Variants in RBFOX1 observed in about 807,000 individuals in gnomAD.
RBFOX1 encodes RNA binding protein fox-1 homolog 1.
RBFOX1 carries 8 observed loss-of-function variants against 57.7 expected under a neutral mutation model. The observed-to-expected ratio is 0.14, with a 90% CI of 0.08 to 0.25. The LOEUF is 0.25. Ranked by LOEUF, RBFOX1 falls within the 10% of genes least tolerant of loss-of-function variation. RBFOX1 has a pLI of 1.00. For synonymous variants in RBFOX1, 326 were observed against 222.4 expected (o/e 1.47, Z -4.15); for missense variants, 611 against 548.5 (o/e 1.11, Z -1.14).
chr16:6,073,209 AC>A (rs2095857503), intron 1 of RBFOX1, among the ~76,000 whole-genome samples: 1 of 152,156 alleles, frequency 6.6e-6, no homozygotes, highest in Non-Finnish European at 1.5e-5. Context: ...TACTCCACTG[AC>A]TTCCAGGGCT....
In RBFOX1 at chr16:5,290,630, A is replaced by C. The variant is rs577068853; in HGVS notation, c.219+50525A>C. ...GAGGCCTAGGGGGTGGGATGAGTTC[A>C]CTAGGTGGATAAATGAGGAACGGCA... On this transcript the variant is annotated intron_variant, in intron 1 of 2. Transcript: ENST00000585867. Among the ~76,000 whole-genome samples the C allele has an allele frequency of 9.2e-5, 14 of 152,232 alleles. No homozygotes were observed. The East Asian group carries it at 2.7e-3, about 29-fold the overall frequency.
At chr16:6,261,997 C>T (rs1371751444) in intron 1 of RBFOX1, among the ~76,000 whole-genome samples, 3 of 151,838 alleles carry the variant, frequency 2.0e-5, no homozygotes, top group African/African-American at 7.3e-5. Context: ...CCATCGTACT[C>T]CAGCCTGGGC....
intron 4 of RBFOX1, among the ~76,000 whole-genome samples, chr16:7,364,625 T>C (rs976302822): frequency 4.6e-5 from 7 of 151,806 alleles, no homozygotes; most frequent in African/African-American, 1.7e-4. Flanking sequence ...AAGAGAATTA[T>C]TCAGCCATTA....
At chr16:7,519,258 A>G (rs1214490558) in intron 5 of RBFOX1, among the ~76,000 whole-genome samples, 1 of 152,036 alleles carries the variant, frequency 6.6e-6, no homozygotes, top group Non-Finnish European at 1.5e-5. Flanking sequence ...CCTTAGCCTA[A>G]TACATTTGAG....
At chr16:7,200,337 A>G (rs962167349) in intron 4 of RBFOX1, among the ~76,000 whole-genome samples, 4 of 152,202 alleles carry the variant, frequency 2.6e-5, no homozygotes, top group Non-Finnish European at 4.4e-5. Flanking sequence ...GGCCTGTCTT[A>G]TGGAAGAGCC....
intron 1 of RBFOX1, among the ~76,000 whole-genome samples, chr16:6,135,396 A>G (rs535298961): frequency 6.6e-6 from 1 of 152,272 alleles, no homozygotes; most frequent in Admixed American, 6.5e-5. Flanking sequence ...AGGTATTATT[A>G]TTATTTACAT....
At chr16:7,239,971 G>T (rs1231938980) in intron 4 of RBFOX1, among the ~76,000 whole-genome samples, 1 of 152,024 alleles carries the variant, frequency 6.6e-6, no homozygotes, top group Admixed American at 6.6e-5. Flanking sequence ...ATAAGATGAT[G>T]GTGACGATTA....
chr16:7,146,074 TG>T (rs1324943989), intron 4 of RBFOX1, among the ~76,000 whole-genome samples: 1 of 152,204 alleles, frequency 6.6e-6, no homozygotes, highest in Admixed American at 6.5e-5. Context: ...CTGTTCCAAA[TG>T]GGGGCAAGAA....
intron 4 of RBFOX1, among the ~76,000 whole-genome samples, chr16:7,215,002 T>C (rs1189454455): frequency 6.6e-6 from 1 of 152,154 alleles, no homozygotes; most frequent in Non-Finnish European, 1.5e-5. Flanking sequence ...ACCCATCATC[T>C]AGGTTTTAAG....
intron 4 of RBFOX1, among the ~76,000 whole-genome samples, chr16:7,228,621 G>A (rs774743822): frequency 3.9e-5 from 6 of 152,182 alleles, no homozygotes; most frequent in Admixed American, 6.5e-5. Context: ...TCAAATCTTG[G>A]GCTAGAAGGA....
At chr16:6,174,549 C>G (rs534283357) in intron 1 of RBFOX1, among the ~76,000 whole-genome samples, 1 of 152,112 alleles carries the variant, frequency 6.6e-6, no homozygotes, top group South Asian at 2.1e-4. Flanking sequence ...GAGCTGTGAT[C>G]ATGCCACTGC....
In RBFOX1 at chr16:7,454,914, A is replaced by G. The variant is rs528130041; in HGVS notation, c.28-63233A>G. ...TCACAGTTTGCTCCTCACACTTTATATTTGGCCAGCCCTGGGCCAACCCCT... is the reference window on the plus strand; with the variant it reads ...TCACAGTTTGCTCCTCACACTTTATGTTTGGCCAGCCCTGGGCCAACCCCT... On this transcript the variant is annotated intron_variant, in intron 4 of 15. Transcript: ENST00000550418. Among the ~76,000 whole-genome samples the G allele has an allele frequency of 7.9e-5, 12 of 152,264 alleles. No homozygotes were observed. The South Asian group carries it at 2.1e-3, about 26-fold the overall frequency.
chr16:6,345,711 A>G (rs1049816196), intron 2 of RBFOX1, among the ~76,000 whole-genome samples: 1 of 152,168 alleles, frequency 6.6e-6, no homozygotes, highest in African/African-American at 2.4e-5. Flanking sequence ...TCAGATGTTG[A>G]CACATGTGAA....
intron 3 of RBFOX1, among the ~76,000 whole-genome samples, chr16:5,669,252 G>T (rs2049942475): frequency 6.6e-6 from 1 of 151,912 alleles, no homozygotes; most frequent in African/African-American, 2.4e-5. Flanking sequence ...TTTGCTTGGT[G>T]GGGGAGTGGC....
At chr16:5,525,344 A>G (rs578216943) in intron 2 of RBFOX1, among the ~76,000 whole-genome samples, 285 of 152,168 alleles carry the variant, frequency 1.9e-3, no homozygotes, top group Non-Finnish European at 3.3e-3. Flanking sequence ...TGTTTTATAC[A>G]ACAGCTCTGT....
chr16:6,158,550 C>T (rs74004998), intron 1 of RBFOX1, among the ~76,000 whole-genome samples: 5,868 of 152,146 alleles, frequency 0.039, 408 homozygotes, highest in African/African-American at 0.14. Context: ...TCATTTTAGC[C>T]GTAATGTTCT....
intron 10 of RBFOX1, among the ~76,000 whole-genome samples, chr16:7,619,814 C>A (rs560427548): frequency 4.6e-5 from 7 of 152,000 alleles, no homozygotes; most frequent in Admixed American, 3.9e-4. Flanking sequence ...TTTTTAGGAA[C>A]AAGCTATGAC....
chr16:7,653,946 G>A lies in RBFOX1; in HGVS notation c.889G>A (p.Gly297Ser), dbSNP rs767750674. The change falls in exon 12 of 16, where the codon GGT becomes AGT. Residue 297 changes from glycine (G) to serine (S), a missense_variant and splice_region_variant. Gly to Ser is a moderately conservative substitution (Grantham distance 56). This residue lies in a region of RBFOX1 where 267 missense variants were observed against 229.1 expected (regional missense o/e 1.17). Transcript: ENST00000550418. Reference protein sequence around the residue: ...APPPPIPAYGGVVYQDGFYGA... With the variant: ...APPPPIPAYGSVVYQDGFYGA... ...CCCGCCCCCGATCCCGGCCTACGGC[G>A]GGTAAGTGGGGCAGCCTCCTGGGTG... 5.3e-6 allele frequency: 8 copies of A among 1,514,150 alleles called. No homozygotes were observed. The highest frequency in any genetic ancestry group is 2.8e-5 in the African/African-American group (2 of 72,106). The allele number at this position is 1,514,150 out of a possible 1,614,324, so 93.8% of individuals were successfully genotyped here. A position where few individuals can be genotyped will look rare whatever the true frequency, so the allele number is the denominator to read the frequency against.
intron 1 of RBFOX1, among the ~76,000 whole-genome samples, chr16:6,052,554 G>A (rs1567338899): frequency 6.6e-6 from 1 of 151,862 alleles, no homozygotes; most frequent in Non-Finnish European, 1.5e-5. Flanking sequence ...GGAGGCCGAG[G>A]CGGGCGGATC....
Sources: allele counts gnomAD v4.1 joint callset (sites outside exome capture counted in the v4.1 genomes callset), GRCh38; gene constraint gnomAD v4.1.1; regional missense constraint gnomAD v4.1.1; transcripts MANE v1.5; gene names NCBI Gene and HGNC (gene_info 2026-07-23, HGNC 2026-07-21).